Variants in KLHL13 observed in about 807,000 individuals in gnomAD.
KLHL13 encodes the protein kelch-like protein 13.
Under a neutral mutation model 37.1 loss-of-function variants are expected in KLHL13, and 10 were observed. The ratio of observed to expected loss-of-function variants is 0.27; its 90% CI spans 0.17 to 0.46. KLHL13 has a LOEUF of 0.46. Among genes scored for constraint, KLHL13 ranks in the 20% least tolerant of loss-of-function variants. The pLI, the probability that KLHL13 is intolerant of heterozygous loss-of-function variation, is 1.00. For missense variants in KLHL13, 360 were observed against 509.3 expected (o/e 0.71, Z 2.82); for synonymous variants, 163 against 181.2 (o/e 0.90, Z 0.81).
At chrX:117,915,520 G>C (rs1248088378) in intron 4 of KLHL13, among the ~76,000 whole-genome samples, 1 of 111,217 alleles carries the variant, frequency 9.0e-6, no homozygotes, top group East Asian at 2.8e-4. Flanking sequence ...CTGCATCAAG[G>C]GGGGAAAACA....
chrX:117,920,545 T>C (rs760419112), intron 2 of KLHL13, among the ~76,000 whole-genome samples, 175 bp from the exon 4 acceptor site: 17 of 112,623 alleles, frequency 1.5e-4, no homozygotes, highest in Non-Finnish European at 2.4e-4. Context: ...TGACAATGCA[T>C]GTTTTCTTTC....
At chrX:117,903,929 T>C (rs924185326) in intron 5 of KLHL13, among the ~76,000 whole-genome samples, 1 of 111,586 alleles carries the variant, frequency 9.0e-6, no homozygotes. Flanking sequence ...TCCATTAGTT[T>C]CTTCTTATTC....
chrX:117,964,938 T>C (rs1168976746), intron 1 of KLHL13, among the ~76,000 whole-genome samples: 2 of 111,849 alleles, frequency 1.8e-5, no homozygotes, highest in Admixed American at 1.9e-4. Context: ...TATGGCTGCA[T>C]AGTATTCCAT....
At chrX:118,067,511 A>T (rs1212283464) in intron 1 of KLHL13, among the ~76,000 whole-genome samples, 2 of 111,898 alleles carry the variant, frequency 1.8e-5, no homozygotes, top group East Asian at 5.5e-4. Context: ...ATGCTTTTAA[A>T]TTTTTTTTAA....
chrX:118,035,201 C>T, intron 1 of KLHL13, among the ~76,000 whole-genome samples: 1 of 104,755 alleles, frequency 9.5e-6, no homozygotes, highest in South Asian at 3.9e-4. Context: ...GAAACTATTC[C>T]AATCAATAGA....
At chrX:118,016,784 G>A (rs920826277) in intron 1 of KLHL13, among the ~76,000 whole-genome samples, 1 of 111,395 alleles carries the variant, frequency 9.0e-6, no homozygotes, top group African/African-American at 3.3e-5. Flanking sequence ...TTCAGTATGG[G>A]TCTTGAGGAA....
intron 2 of KLHL13, among the ~76,000 whole-genome samples, chrX:117,944,928 T>C (rs970936529): frequency 8.1e-5 from 9 of 111,678 alleles, no homozygotes; most frequent in Non-Finnish European, 1.5e-4. Context: ...TCCTAACCTC[T>C]TCTCCCACAG....
At chrX:118,036,346 C>G (rs146849712) in intron 1 of KLHL13, among the ~76,000 whole-genome samples, 5,487 of 111,465 alleles carry the variant, frequency 0.049, 372 homozygotes, top group African/African-American at 0.17. Flanking sequence ...TCAAACTATA[C>G]TACAAGGCTA....
In KLHL13 at chrX:117,985,404, C is replaced by T. The variant is rs778340540; in HGVS notation, c.-55-39829G>A. 2,518 of 926,659 alleles carry T rather than the reference C, an allele frequency of 2.7e-3. 2 individuals carry two copies. Among genetic ancestry groups the T allele is most frequent in the Non-Finnish European group, 3.1e-3 (2,331 of 744,004 alleles). The allele number at this position is 926,659 out of a possible 1,213,427, so 76.4% of individuals were successfully genotyped here. A position where few individuals can be genotyped will look rare whatever the true frequency, so the allele number is the denominator to read the frequency against. ...CCCAGTGCATCTGCCTGGTACAACA[C>T]TTCAGTTGTAGCTCCCAAAAGCAGA... is the stretch of plus-strand genomic sequence containing the variant. On this transcript the variant is annotated intron_variant, in intron 1 of 6. Transcript: ENST00000371882.
intron 1 of KLHL13, among the ~76,000 whole-genome samples, chrX:117,961,184 C>T (rs151210855): frequency 9.0e-6 from 1 of 111,569 alleles, no homozygotes; most frequent in Non-Finnish European, 1.9e-5. Flanking sequence ...CAACACAACC[C>T]CAGATTATAG....
At chrX:117,906,451 C>A (rs62609218) in intron 5 of KLHL13, among the ~76,000 whole-genome samples, 6,812 of 110,934 alleles carry the variant, frequency 0.061, 188 homozygotes, top group Middle Eastern at 0.12. Context: ...TGGTTACCTC[C>A]GTAATACAGG....
chrX:118,053,100 A>G (rs756400864), intron 1 of KLHL13, among the ~76,000 whole-genome samples: 38 of 111,802 alleles, frequency 3.4e-4, no homozygotes, highest in African/African-American at 1.2e-3. Context: ...TTCTAAAAAC[A>G]TAACAGAAAT....
At chrX:118,117,086 C>T (rs1013213415), upstream of KLHL13, among the ~76,000 whole-genome samples, 1 of 112,977 alleles carries the variant, frequency 8.9e-6, no homozygotes, top group African/African-American at 3.2e-5. Flanking sequence ...GGTGTGAGCC[C>T]ACATGGATTC....
chrX:117,961,653 AAAAGG>A (rs2053298180), intron 1 of KLHL13, among the ~76,000 whole-genome samples: 1 of 111,545 alleles, frequency 9.0e-6, no homozygotes, highest in Non-Finnish European at 1.9e-5. Context: ...AGGCAATGTG[AAAAGG>A]ATTCAACCTG....
chrX:118,079,190 G>T (rs190041116), intron 1 of KLHL13, among the ~76,000 whole-genome samples: 1 of 110,648 alleles, frequency 9.0e-6, no homozygotes, highest in African/African-American at 3.3e-5. Context: ...CGCAGAAAAA[G>T]AAATGTGAAT....
At chrX:118,000,440 TAG>T (rs1364298520) in intron 1 of KLHL13, among the ~76,000 whole-genome samples, 1 of 109,713 alleles carries the variant, frequency 9.1e-6, no homozygotes, top group Non-Finnish European at 1.9e-5. Flanking sequence ...GCAAACAAAA[TAG>T]AGAGGAAAAT....
intron 1 of KLHL13, among the ~76,000 whole-genome samples, chrX:118,036,653 T>C (rs373415017): frequency 9.0e-6 from 1 of 111,453 alleles, no homozygotes; most frequent in African/African-American, 3.3e-5. Context: ...GAAGAAAACA[T>C]AGGCATTACC....
intron 5 of KLHL13, among the ~76,000 whole-genome samples, chrX:117,903,126 G>A (rs1473197249): frequency 2.0e-5 from 2 of 98,863 alleles, no homozygotes; most frequent in Non-Finnish European, 4.2e-5. Context: ...ATAACATGGT[G>A]ACAGGCAAAA....
chrX:118,071,017 TC>T (rs1246210202), intron 1 of KLHL13, among the ~76,000 whole-genome samples: 1 of 110,174 alleles, frequency 9.1e-6, no homozygotes, highest in Non-Finnish European at 1.9e-5. Flanking sequence ...TTTGGTTTTT[TC>T]TTCTTGCGAT....
Sources: allele counts gnomAD v4.1 joint callset (sites outside exome capture counted in the v4.1 genomes callset), GRCh38; gene constraint gnomAD v4.1.1; transcripts MANE v1.5; gene names NCBI Gene and HGNC (gene_info 2026-07-23, HGNC 2026-07-21).